Variants in SPOCK3 observed in about 807,000 individuals in gnomAD.
The protein encoded by SPOCK3 is SPARC (osteonectin), cwcv and kazal like domains proteoglycan 3, also known as testican-3.
A neutral mutation model predicts 56.6 loss-of-function variants in SPOCK3; 30 were observed. That is an observed-to-expected ratio of 0.53 (90% CI 0.40 to 0.72). The LOEUF (loss-of-function observed/expected upper bound fraction) is 0.72, where lower values mean the gene tolerates loss of function less well. Among genes scored for constraint, SPOCK3 ranks in the 30% least tolerant of loss-of-function variants. The pLI is 0.00. For synonymous variants in SPOCK3, 196 were observed against 183.3 expected (o/e 1.07, Z -0.56); for missense variants, 527 against 530.0 (o/e 0.99, Z 0.06).
intron 7 of SPOCK3, among the ~76,000 whole-genome samples, chr4:166,785,563 A>G (rs1395908831): frequency 6.6e-6 from 1 of 152,188 alleles, no homozygotes; most frequent in Non-Finnish European, 1.5e-5. Flanking sequence ...AAAAGACTAT[A>G]TATTTCATTA....
chr4:167,038,505 C>T (rs1343214486), intron 3 of SPOCK3, among the ~76,000 whole-genome samples: 2 of 152,032 alleles, frequency 1.3e-5, no homozygotes, highest in Admixed American at 6.6e-5. Context: ...GTCCCAGAAT[C>T]TAATAGCCTG....
At chr4:167,159,690 C>T (rs1765116373) in intron 2 of SPOCK3, among the ~76,000 whole-genome samples, 1 of 152,160 alleles carries the variant, frequency 6.6e-6, no homozygotes, top group Admixed American at 6.6e-5. Context: ...AGCTTATCCA[C>T]CATGATCAAC....
upstream of SPOCK3, chr4:167,234,554 C>T: frequency 3.9e-6 from 1 of 258,298 alleles, no homozygotes; most frequent in Non-Finnish European, 7.5e-6. Flanking sequence ...CGTCTCGAGC[C>T]GTCCACTCAG....
intron 6 of SPOCK3, among the ~76,000 whole-genome samples, chr4:166,852,317 A>T (rs1730210575): frequency 1.3e-5 from 2 of 151,976 alleles, no homozygotes; most frequent in South Asian, 2.1e-4. Flanking sequence ...AATAATAATT[A>T]AAAAAAAGAA....
Position 166,925,089 on chromosome 4 carries a change from A to G in SPOCK3, c.351-12346T>C, listed in dbSNP as rs534453005. 1.8e-3 allele frequency among the ~76,000 whole-genome samples: 273 copies of G among 152,322 alleles called. 3 individuals carry two copies. The highest frequency in any genetic ancestry group is 6.1e-3 in the African/African-American group (253 of 41,576). On this transcript the variant is annotated intron_variant, in intron 4 of 10. Coordinates refer to ENST00000357545, the MANE Select transcript of SPOCK3 (RefSeq NM_001040159.2). ...TAAATATCTATGCTTATATATTACT[A>G]TGGCATGGCTAGAGAAGGAAATTCT...
chr4:166,743,917 C>T (rs1438474045), intron 8 of SPOCK3, among the ~76,000 whole-genome samples: 2 of 152,148 alleles, frequency 1.3e-5, no homozygotes, highest in African/African-American at 4.8e-5. Flanking sequence ...GGGGGGTCCA[C>T]CTTTGCTAAG....
intron 6 of SPOCK3, 62 bp from the exon 7 acceptor site, chr4:166,792,351 C>A: frequency 3.8e-6 from 6 of 1,564,058 alleles, no homozygotes; most frequent in Non-Finnish European, 5.3e-6. Flanking sequence ...AGTGCTATTT[C>A]TCTCATTAGT....
At chr4:167,172,723 T>C (rs185371463) in intron 2 of SPOCK3, among the ~76,000 whole-genome samples, 1 of 152,274 alleles carries the variant, frequency 6.6e-6, no homozygotes, top group East Asian at 1.9e-4. Context: ...TACATATATG[T>C]GTGCATATGT....
intron 2 of SPOCK3, among the ~76,000 whole-genome samples, chr4:167,177,227 A>T (rs1474086087): frequency 2.0e-5 from 3 of 152,054 alleles, no homozygotes; most frequent in African/African-American, 7.2e-5. Flanking sequence ...ATTCTTCAGG[A>T]GAAGAACCCA....
chr4:166,804,639 A>T (rs773616450), intron 6 of SPOCK3, among the ~76,000 whole-genome samples: 1 of 152,162 alleles, frequency 6.6e-6, no homozygotes, highest in Non-Finnish European at 1.5e-5. Context: ...AAATCTTTGT[A>T]TGTGCTTCTT....
intron 6 of SPOCK3, among the ~76,000 whole-genome samples, chr4:166,881,164 A>G (rs1051829225): frequency 1.3e-5 from 2 of 152,078 alleles, no homozygotes; most frequent in African/African-American, 2.4e-5. Context: ...TTTGAAATTA[A>G]AAAATTCACA....
chr4:166,809,426 C>A (rs10034594), intron 6 of SPOCK3, among the ~76,000 whole-genome samples: 11,206 of 151,958 alleles, frequency 0.074, 967 homozygotes, highest in African/African-American at 0.2. Flanking sequence ...TCATTCTCCT[C>A]TGTTCAGTGA....
intron 9 of SPOCK3, among the ~76,000 whole-genome samples, chr4:166,739,656 C>T (rs527468642): frequency 6.6e-6 from 1 of 151,606 alleles, no homozygotes; most frequent in Admixed American, 6.6e-5. Context: ...TACTCCAACA[C>T]CAGAATATAA....
intron 3 of SPOCK3, among the ~76,000 whole-genome samples, chr4:167,026,145 T>C (rs1397090519): frequency 6.6e-6 from 1 of 152,084 alleles, no homozygotes; most frequent in Non-Finnish European, 1.5e-5. Flanking sequence ...GATTGAAACA[T>C]AATGTGGTAT....
intron 4 of SPOCK3, among the ~76,000 whole-genome samples, chr4:166,964,034 A>T (rs1270552892): frequency 6.6e-6 from 1 of 151,736 alleles, no homozygotes; most frequent in Non-Finnish European, 1.5e-5. Flanking sequence ...TTAGTCCATT[A>T]TCTTGTACTT....
chr4:167,070,419 T>C (rs1291718749), intron 2 of SPOCK3, among the ~76,000 whole-genome samples: 1 of 151,936 alleles, frequency 6.6e-6, no homozygotes, highest in Non-Finnish European at 1.5e-5. Context: ...TCTTTATATA[T>C]CTATACAGAA....
chr4:167,186,931 C>T (rs1027053815), intron 2 of SPOCK3, among the ~76,000 whole-genome samples: 22 of 144,198 alleles, frequency 1.5e-4, no homozygotes, highest in African/African-American at 5.5e-4. Context: ...GAGCCGAGAT[C>T]GTGCCACTGC....
chr4:166,784,290 C>T (rs1053792038), intron 7 of SPOCK3, among the ~76,000 whole-genome samples: 1 of 152,064 alleles, frequency 6.6e-6, no homozygotes, highest in Admixed American at 6.6e-5. Flanking sequence ...TACTGCAGTA[C>T]ATCAATCACT....
At chr4:167,000,970 T>C (rs554417825) in intron 3 of SPOCK3, among the ~76,000 whole-genome samples, 1 of 152,334 alleles carries the variant, frequency 6.6e-6, no homozygotes, top group South Asian at 2.1e-4. Context: ...TGGATGAATA[T>C]ATCATAGTAA....
Sources: allele counts gnomAD v4.1 joint callset (sites outside exome capture counted in the v4.1 genomes callset), GRCh38; gene constraint gnomAD v4.1.1; transcripts MANE v1.5; gene names NCBI Gene and HGNC (gene_info 2026-07-23, HGNC 2026-07-21).